LRP1B: variants seen among roughly 807,000 people sequenced by gnomAD.
The protein encoded by LRP1B is LDL receptor related protein 1B, also known as low-density lipoprotein receptor-related protein 1B.
LRP1B carries 217 observed loss-of-function variants against 556.6 expected under a neutral mutation model. The observed-to-expected ratio is 0.39, with a 90% CI of 0.35 to 0.44. The LOEUF (loss-of-function observed/expected upper bound fraction) is 0.44. LRP1B is among the 20% of genes least tolerant of loss of function. The pLI is 1.00. For missense variants in LRP1B, 5,053 were observed against 5,620.8 expected, an observed-to-expected ratio of 0.90 and a Z score of 3.23; for synonymous variants, 2,047 against 1,865.8, an observed-to-expected ratio of 1.10 and a Z score of -2.50.
intron 1 of LRP1B, among the ~76,000 whole-genome samples, chr2:142,101,396 C>T (rs1260603803): frequency 6.6e-6 from 1 of 151,942 alleles, no homozygotes. Flanking sequence ...GAATATAAGA[C>T]ATGTTAGTAT....
At chr2:141,954,308 A>G (rs1407603694) in intron 1 of LRP1B, among the ~76,000 whole-genome samples, 1 of 152,096 alleles carries the variant, frequency 6.6e-6, no homozygotes, top group Non-Finnish European at 1.5e-5. Context: ...TCATAAGTTT[A>G]CTGCAAAGAG....
In LRP1B at chr2:141,585,827, A is replaced by G. The variant is rs1188867648; in HGVS notation, c.206-105294T>C. 2.0e-5 allele frequency among the ~76,000 whole-genome samples: 3 copies of G among 151,980 alleles called. No individual in the cohort carries two copies. In the South Asian group the frequency reaches 6.2e-4, roughly 32 times the overall value. On this transcript the variant is annotated intron_variant, in intron 2 of 90. Transcript: ENST00000389484. Reference sequence around the variant, plus strand: ...GCCTTACTCTGTCATAGCTCACTGCAGCTTAGAACTCCTAGGCTAGGAATC... The same window carrying G: ...GCCTTACTCTGTCATAGCTCACTGCGGCTTAGAACTCCTAGGCTAGGAATC...
chr2:140,536,697 G>A lies in LRP1B; in HGVS notation c.7526C>T (p.Ser2509Phe), dbSNP rs2105004091. ...EDNRCVTKNS[S>F]CNAYSEFECG... ...TTCAAACTCCGAATAAGCGTTGCAG[G>A]AGGAATTTTTAGCTGCAAGAAAAAA... Residue 2509 changes from serine to phenylalanine, a missense_variant, in exon 46 of 91, where the codon TCC (serine) becomes TTC (phenylalanine). Around this residue, in one of 5 missense-constraint regions of LRP1B, gnomAD observed 3,619 missense variants for 3,931.9 expected, o/e 0.92. Transcript: ENST00000389484. 1 of 1,588,696 alleles carries A rather than the reference G, an allele frequency of 6.3e-7. No homozygotes were observed.
chr2:141,725,787 T>C (rs1044516497), intron 2 of LRP1B, among the ~76,000 whole-genome samples: 2 of 151,770 alleles, frequency 1.3e-5, no homozygotes, highest in African/African-American at 2.4e-5. Flanking sequence ...TTTGCATCAG[T>C]GTACCTGGTT....
intron 27 of LRP1B, among the ~76,000 whole-genome samples, chr2:140,866,435 C>T (rs180685740): frequency 2.5e-3 from 387 of 151,912 alleles, no homozygotes; most frequent in Non-Finnish European, 3.9e-3. Context: ...TCTATAATGT[C>T]CTCATGCTTT....
intron 1 of LRP1B, among the ~76,000 whole-genome samples, chr2:141,987,563 T>TTC (rs1559005543): frequency 7.1e-6 from 1 of 141,308 alleles, no homozygotes; most frequent in Admixed American, 7.1e-5. Flanking sequence ...TTTTTTTTTT[T>TTC]CTTTCTTTTT....
rs905191098 is a variant in LRP1B, at chr2:140,952,074, A to C, written c.2888-134T>G. On this transcript the variant is annotated intron_variant, in intron 18 of 90. Transcript: ENST00000389484. ...GGCACAGAGGAAATGGCAGATAAAC[A>C]AATACAGTGACTATAACTTCTTGAG... The C allele has an allele frequency of 2.8e-5, 18 of 645,772 alleles. No individual in the cohort carries two copies. The African/African-American group carries it at 3.3e-4, about 12-fold the overall frequency. The allele number at this position is 645,772 out of a possible 1,614,324, so 40.0% of individuals were successfully genotyped here.
At chr2:141,181,663 T>C (rs771751156) in intron 7 of LRP1B, among the ~76,000 whole-genome samples, 18 of 151,940 alleles carry the variant, frequency 1.2e-4, no homozygotes, top group Admixed American at 2.6e-4. Context: ...TCAAATCAAT[T>C]TGCCTTCCAT....
chr2:140,963,131 C>T (rs917173248), intron 18 of LRP1B, among the ~76,000 whole-genome samples: 5 of 152,106 alleles, frequency 3.3e-5, no homozygotes, highest in Non-Finnish European at 7.3e-5. Flanking sequence ...AAAACCCCAA[C>T]TTGGCATGAT....
intron 43 of LRP1B, among the ~76,000 whole-genome samples, chr2:140,550,812 T>C (rs959840664): frequency 1.3e-5 from 2 of 152,162 alleles, no homozygotes; most frequent in Non-Finnish European, 2.9e-5. Flanking sequence ...TCTGTAATAG[T>C]ATTATGAACT....
chr2:140,627,984 A>C (rs188800177), intron 41 of LRP1B, among the ~76,000 whole-genome samples: 1 of 152,230 alleles, frequency 6.6e-6, no homozygotes, highest in South Asian at 2.1e-4. Context: ...TAATGAGACT[A>C]CTAATCTGAA....
intron 35 of LRP1B, among the ~76,000 whole-genome samples, chr2:140,729,516 G>A (rs1446697433): frequency 1.3e-5 from 2 of 152,022 alleles, no homozygotes; most frequent in Non-Finnish European, 1.5e-5. Flanking sequence ...AATGTGCTAT[G>A]CTTGGACTTT....
intron 3 of LRP1B, among the ~76,000 whole-genome samples, chr2:141,302,807 T>C (rs547014387): frequency 6.6e-6 from 1 of 152,242 alleles, no homozygotes; most frequent in Non-Finnish European, 1.5e-5. Flanking sequence ...GATGATCATG[T>C]TATACATGAT....
intron 2 of LRP1B, among the ~76,000 whole-genome samples, chr2:141,596,634 A>T (rs996889392): frequency 6.6e-6 from 1 of 152,160 alleles, no homozygotes; most frequent in Non-Finnish European, 1.5e-5. Flanking sequence ...GATTTAAAAG[A>T]CTTGCTAACA....
intron 72 of LRP1B, 56 bp from the exon 73 acceptor site, chr2:140,359,002 G>T (rs1486407231): frequency 4.6e-6 from 7 of 1,519,128 alleles, no homozygotes; most frequent in Non-Finnish European, 6.3e-6. Flanking sequence ...GCTTTATGAA[G>T]AACATTCTTC....
At chr2:141,839,829 C>T (rs182837488) in intron 1 of LRP1B, among the ~76,000 whole-genome samples, 18 of 152,206 alleles carry the variant, frequency 1.2e-4, no homozygotes, top group Non-Finnish European at 2.2e-4. Context: ...TAGATTTACC[C>T]TAATAAAAAA....
intron 43 of LRP1B, 57 bp from the exon 44 acceptor site, chr2:140,542,028 C>A: frequency 8.7e-7 from 1 of 1,149,830 alleles, no homozygotes; most frequent in Non-Finnish European, 1.2e-6. Flanking sequence ...TTTATACGTC[C>A]ACACCTATTT....
intron 7 of LRP1B, among the ~76,000 whole-genome samples, chr2:141,153,649 T>C (rs1574131972): frequency 7.0e-6 from 1 of 143,206 alleles, no homozygotes; most frequent in East Asian, 2.0e-4. Flanking sequence ...TTTATATAGC[T>C]TTACATATCT....
intron 3 of LRP1B, among the ~76,000 whole-genome samples, chr2:141,332,388 G>A (rs1200707718): frequency 2.0e-5 from 3 of 150,432 alleles, no homozygotes; most frequent in Non-Finnish European, 4.4e-5. Flanking sequence ...TGACCAATTT[G>A]CTATGGACAT....
Sources: allele counts gnomAD v4.1 joint callset (sites outside exome capture counted in the v4.1 genomes callset), GRCh38; gene constraint gnomAD v4.1.1; regional missense constraint gnomAD v4.1.1; transcripts MANE v1.5; gene names NCBI Gene and HGNC (gene_info 2026-07-23, HGNC 2026-07-21).